THSD7B: variants seen among roughly 807,000 people sequenced by gnomAD.
THSD7B encodes thrombospondin type-1 domain-containing protein 7B.
THSD7B carries 138 observed loss-of-function variants against 213.6 expected under a neutral mutation model. The observed-to-expected ratio is 0.65, with a 90% CI of 0.56 to 0.74. The LOEUF (loss-of-function observed/expected upper bound fraction) is 0.74. THSD7B is among the 30% of genes least tolerant of loss of function. The pLI is 0.00. For synonymous variants in THSD7B, 742 were observed against 687.0 expected (o/e 1.08, Z -1.25); for missense variants, 1,931 against 1,991.5 (o/e 0.97, Z 0.58).
intron 5 of THSD7B, among the ~76,000 whole-genome samples, chr2:137,149,655 G>A (rs1679774978): frequency 6.6e-6 from 1 of 152,212 alleles, no homozygotes; most frequent in Non-Finnish European, 1.5e-5. Flanking sequence ...TGGAGTCGAA[G>A]GAGATCATTT....
intron 12 of THSD7B, among the ~76,000 whole-genome samples, chr2:137,404,565 A>T (rs1686464427): frequency 1.1e-5 from 1 of 87,314 alleles, no homozygotes. Flanking sequence ...TTATATACAC[A>T]CACTATATAT....
At chr2:136,914,695 GC>G (rs35694694) in intron 2 of THSD7B, among the ~76,000 whole-genome samples, 7,840 of 152,210 alleles carry the variant, frequency 0.052, 222 homozygotes, top group Middle Eastern at 0.18. Context: ...TGTAAAAAGT[GC>G]CTTTCACCCC....
chr2:137,080,309 T>A (rs1161794895), intron 3 of THSD7B, among the ~76,000 whole-genome samples: 2 of 151,274 alleles, frequency 1.3e-5, no homozygotes, highest in Non-Finnish European at 2.9e-5. Context: ...CAAGCAATCC[T>A]TGTGCCTCAA....
At chr2:137,206,911 G>A (rs1013833889) in intron 7 of THSD7B, among the ~76,000 whole-genome samples, 2 of 152,052 alleles carry the variant, frequency 1.3e-5, no homozygotes, top group East Asian at 1.9e-4. Context: ...GATAAGGAAG[G>A]ATTTCATCTA....
chr2:137,370,725 T>C (rs1227796203), intron 12 of THSD7B, among the ~76,000 whole-genome samples: 1 of 152,116 alleles, frequency 6.6e-6, no homozygotes, highest in South Asian at 2.1e-4. Context: ...TGCCTAGGCC[T>C]CCCAAAATGC....
At chr2:137,329,660 C>A (rs1197624884) in intron 12 of THSD7B, among the ~76,000 whole-genome samples, 2 of 152,126 alleles carry the variant, frequency 1.3e-5, no homozygotes, top group African/African-American at 2.4e-5. Context: ...CCACTGCACC[C>A]AGCCCAGCAG....
intron 2 of THSD7B, among the ~76,000 whole-genome samples, chr2:137,037,007 T>A (rs1686788584): frequency 6.6e-6 from 1 of 152,212 alleles, no homozygotes; most frequent in African/African-American, 2.4e-5. Flanking sequence ...GAAACATTGT[T>A]TCCTGATTCA....
chr2:136,922,529 T>A (rs1313715009), intron 2 of THSD7B, among the ~76,000 whole-genome samples: 1 of 152,216 alleles, frequency 6.6e-6, no homozygotes, highest in African/African-American at 2.4e-5. Flanking sequence ...AAATTGTACT[T>A]AGAAAATGCA....
intron 5 of THSD7B, among the ~76,000 whole-genome samples, chr2:137,117,602 A>ACT (rs1688467571): frequency 6.6e-6 from 1 of 151,822 alleles, no homozygotes; most frequent in Admixed American, 6.6e-5. Context: ...ACTCAAGGAT[A>ACT]CTCTCTCTCT....
intron 3 of THSD7B, among the ~76,000 whole-genome samples, chr2:137,087,646 A>G (rs1278319512): frequency 1.3e-5 from 2 of 152,248 alleles, no homozygotes; most frequent in African/African-American, 4.8e-5. Context: ...GAAAGAAATC[A>G]TAGATGACAC....
chr2:136,894,413 A>C (rs1683915369), intron 2 of THSD7B, among the ~76,000 whole-genome samples: 1 of 152,200 alleles, frequency 6.6e-6, no homozygotes, highest in South Asian at 2.1e-4. Context: ...TGGACACTGG[A>C]ATCAGGCTGT....
intron 27 of THSD7B, among the ~76,000 whole-genome samples, chr2:137,675,242 G>T (rs1052347571): frequency 6.6e-6 from 1 of 151,842 alleles, no homozygotes; most frequent in Non-Finnish European, 1.5e-5. Context: ...AAATGTTCTG[G>T]AGCTAGATAA....
chr2:136,847,507 T>A (rs1307697442), intron 1 of THSD7B, among the ~76,000 whole-genome samples: 3 of 152,198 alleles, frequency 2.0e-5, no homozygotes, highest in Non-Finnish European at 4.4e-5. Flanking sequence ...GGCTTTCTGA[T>A]AAAGTCCTTA....
intron 12 of THSD7B, among the ~76,000 whole-genome samples, chr2:137,327,424 A>G (rs1305249573): frequency 6.6e-6 from 1 of 152,158 alleles, no homozygotes; most frequent in Non-Finnish European, 1.5e-5. Flanking sequence ...GTTTTATATG[A>G]TCAATTATTC....
At chr2:137,321,280 C>A (rs916156338) in intron 12 of THSD7B, among the ~76,000 whole-genome samples, 1 of 152,156 alleles carries the variant, frequency 6.6e-6, no homozygotes, top group African/African-American at 2.4e-5. Context: ...TTTTCTGACT[C>A]ATCTTTGAAT....
chr2:137,234,699 A>G (rs1681725930), intron 9 of THSD7B, among the ~76,000 whole-genome samples: 1 of 152,330 alleles, frequency 6.6e-6, no homozygotes, highest in African/African-American at 2.4e-5. Context: ...ACATTTCTGG[A>G]ATTTATGAAT....
chr2:137,220,587 C>G lies in THSD7B; in HGVS notation c.1724-10457C>G, dbSNP rs187007949. The stretch of plus-strand genomic sequence containing the variant: ...GTTAGAGCAATGTAGAACTCTCAAA[C>G]ATTGCTCATGGGAAGGCAAAAGAGT... On this transcript the variant is annotated intron_variant, in intron 7 of 27. Transcript: ENST00000409968. Among the ~76,000 whole-genome samples, 48 of 152,322 alleles carry G rather than the reference C, an allele frequency of 3.2e-4. 1 individual carries two copies. In the East Asian group the frequency reaches 6.4e-3, roughly 20 times the overall value.
intron 12 of THSD7B, among the ~76,000 whole-genome samples, chr2:137,344,608 A>G (rs898323880): frequency 1.3e-5 from 2 of 151,724 alleles, no homozygotes; most frequent in Admixed American, 1.3e-4. Flanking sequence ...ACAAACCGGG[A>G]GTGTTAGAGC....
intron 15 of THSD7B, among the ~76,000 whole-genome samples, chr2:137,481,231 TA>T (rs1409125889): frequency 6.6e-6 from 1 of 152,234 alleles, no homozygotes; most frequent in East Asian, 1.9e-4. Flanking sequence ...TACTAAGACT[TA>T]TGCATACAAC....
Sources: allele counts gnomAD v4.1 joint callset (sites outside exome capture counted in the v4.1 genomes callset), GRCh38; gene constraint gnomAD v4.1.1; transcripts MANE v1.5; gene names NCBI Gene and HGNC (gene_info 2026-07-23, HGNC 2026-07-21).